PCP4L1: variants seen among roughly 807,000 people sequenced by gnomAD.
The protein encoded by PCP4L1 is Purkinje cell protein 4 like 1, also known as Purkinje cell protein 4-like protein 1.
In PCP4L1, 9 loss-of-function variants were observed where a neutral mutation model predicts 9.6. That is an observed-to-expected ratio of 0.94 (90% CI 0.57 to 1.64). PCP4L1 has a LOEUF of 1.64. Ranked by LOEUF, PCP4L1 falls within the 40% of genes most tolerant of loss-of-function variation. The pLI is 0.00. For missense variants in PCP4L1, 81 were observed against 80.8 expected, an observed-to-expected ratio of 1.00 and a Z score of -0.01; for synonymous variants, 31 against 28.2, an observed-to-expected ratio of 1.10 and a Z score of -0.31.
intron 1 of PCP4L1, among the ~76,000 whole-genome samples, chr1:161,269,868 G>T (rs1312452003): frequency 1.3e-5 from 2 of 152,112 alleles, no homozygotes; most frequent in African/African-American, 4.8e-5. Context: ...GTGTAGTGGT[G>T]TGTGGCTGTG....
chr1:161,266,228 G>A (rs1381231303), intron 1 of PCP4L1, among the ~76,000 whole-genome samples: 1 of 152,166 alleles, frequency 6.6e-6, no homozygotes, highest in Non-Finnish European at 1.5e-5. Context: ...TGTCCTTGGT[G>A]CTGCCTCCCT....
At chr1:161,272,387 G>C (rs1669638059) in intron 1 of PCP4L1, among the ~76,000 whole-genome samples, 1 of 151,626 alleles carries the variant, frequency 6.6e-6, no homozygotes, top group Non-Finnish European at 1.5e-5. Flanking sequence ...GTGAAACCCT[G>C]TCTCTACTAA....
chr1:161,261,693 G>C (rs1669420239), intron 1 of PCP4L1, among the ~76,000 whole-genome samples: 1 of 152,236 alleles, frequency 6.6e-6, no homozygotes, highest in Admixed American at 6.5e-5. Context: ...AGCCTAGCTA[G>C]GGGAATCCCT....
chr1:161,262,327 G>A (rs991938771), intron 1 of PCP4L1, among the ~76,000 whole-genome samples: 2 of 151,562 alleles, frequency 1.3e-5, no homozygotes, highest in African/African-American at 4.8e-5. Flanking sequence ...CCAGCTACTC[G>A]GGAGGCTGAG....
intron 1 of PCP4L1, among the ~76,000 whole-genome samples, chr1:161,266,802 C>T (rs963734978): frequency 6.6e-6 from 1 of 152,156 alleles, no homozygotes; most frequent in South Asian, 2.1e-4. Flanking sequence ...CTTTCTGAAG[C>T]TGTTTAAGGA....
intron 1 of PCP4L1, among the ~76,000 whole-genome samples, chr1:161,270,851 G>C (rs1669612928): frequency 6.9e-6 from 1 of 145,896 alleles, no homozygotes; most frequent in African/African-American, 2.7e-5. Context: ...CTCCAGCCTG[G>C]TGATTGATAG....
chr1:161,282,641 C>A (rs1669842673), intron 1 of PCP4L1, among the ~76,000 whole-genome samples: 1 of 152,128 alleles, frequency 6.6e-6, no homozygotes, highest in South Asian at 2.1e-4. Context: ...AAAGCATCTT[C>A]TCTTGGATAA....
In PCP4L1 at chr1:161,269,793, G is replaced by A. The variant is rs375710482; in HGVS notation, c.9+10810G>A. On this transcript the variant is annotated intron_variant, in intron 1 of 2. Coordinates refer to ENST00000504449, the MANE Select transcript of PCP4L1 (RefSeq NM_001102566.2). ...GCAGGAGTACTGCCTGAGTCCAGGAGTTTGAGACCAGCCTGGGCAACATGG... is the reference window on the plus strand; with the variant it reads ...GCAGGAGTACTGCCTGAGTCCAGGAATTTGAGACCAGCCTGGGCAACATGG... Among the ~76,000 whole-genome samples the A allele has an allele frequency of 7.2e-5, 11 of 152,234 alleles. No individual in the cohort carries two copies. The East Asian group carries it at 1.7e-3, about 24-fold the overall frequency.
At chr1:161,275,291 C>T (rs1480230930) in intron 1 of PCP4L1, among the ~76,000 whole-genome samples, 2 of 151,796 alleles carry the variant, frequency 1.3e-5, no homozygotes, top group East Asian at 1.9e-4. Flanking sequence ...CTGAGGCAGG[C>T]GGATCACGAG....
intron 1 of PCP4L1, among the ~76,000 whole-genome samples, chr1:161,278,763 C>T (rs534084549): frequency 3.3e-5 from 5 of 152,290 alleles, no homozygotes; most frequent in South Asian, 4.1e-4. Flanking sequence ...TACATAGCTC[C>T]AGCCATGATG....
chr1:161,259,021 C>T (rs1367633384), intron 1 of PCP4L1, 38 bp downstream of exon 1: 20 of 1,525,702 alleles, frequency 1.3e-5, no homozygotes, highest in Non-Finnish European at 1.7e-5. Context: ...GGCAGGGCTG[C>T]GGCGGGGAGG....
intron 1 of PCP4L1, among the ~76,000 whole-genome samples, chr1:161,264,207 C>A (rs1239506139): frequency 1.3e-5 from 2 of 151,784 alleles, no homozygotes; most frequent in Non-Finnish European, 2.9e-5. Context: ...GCCACCATGC[C>A]TAGCCTCAAG....
Position 161,258,964 on chromosome 1 carries a change from C to T in PCP4L1, c.-11C>T, listed in dbSNP as rs1429366123. 1.3e-6 allele frequency: 2 copies of T among 1,534,370 alleles called. No homozygotes were observed. The highest frequency in any genetic ancestry group is 1.7e-6 in the Non-Finnish European group (2 of 1,145,930). ...CGTGCAGCGCCTCGCGCGCCCTGTCCGGCTGCGGAGATGAGCGAGGTGAGC... is the reference window on the plus strand; with the variant it reads ...CGTGCAGCGCCTCGCGCGCCCTGTCTGGCTGCGGAGATGAGCGAGGTGAGC... On this transcript the variant is annotated 5_prime_UTR_variant, in exon 1 of 3. Transcript: ENST00000504449.
At chr1:161,276,559 T>C (rs973355158) in intron 1 of PCP4L1, among the ~76,000 whole-genome samples, 2 of 151,916 alleles carry the variant, frequency 1.3e-5, no homozygotes, top group Non-Finnish European at 2.9e-5. Flanking sequence ...GGTGTGCCTG[T>C]AGTCCCAGCT....
intron 1 of PCP4L1, among the ~76,000 whole-genome samples, chr1:161,263,002 A>G (rs1458361299): frequency 1.3e-5 from 2 of 152,254 alleles, no homozygotes; most frequent in African/African-American, 4.8e-5. Context: ...CAAATAAAAT[A>G]TCAAAACATT....
At chr1:161,259,880 G>A (rs1315235428) in intron 1 of PCP4L1, among the ~76,000 whole-genome samples, 1 of 152,216 alleles carries the variant, frequency 6.6e-6, no homozygotes. Flanking sequence ...CTATATGTCA[G>A]ATATGTATGT....
chr1:161,279,696 C>A (rs1669761850), intron 1 of PCP4L1, among the ~76,000 whole-genome samples: 1 of 152,174 alleles, frequency 6.6e-6, no homozygotes, highest in African/African-American at 2.4e-5. Context: ...ATATAAAGTA[C>A]TTAAAATTGT....
intron 1 of PCP4L1, among the ~76,000 whole-genome samples, chr1:161,270,577 AAAAG>A (rs1016117102): frequency 6.6e-6 from 1 of 150,740 alleles, no homozygotes; most frequent in Non-Finnish European, 1.5e-5. Context: ...CTCAAAAAAA[AAAAG>A]AGAGACCCCA....
intron 1 of PCP4L1, among the ~76,000 whole-genome samples, chr1:161,269,702 G>A (rs527785714): frequency 1.2e-4 from 18 of 152,194 alleles, no homozygotes; most frequent in Admixed American, 3.3e-4. Flanking sequence ...CTTTTAGGCC[G>A]TATTAAGGAT....
Sources: allele counts gnomAD v4.1 joint callset (sites outside exome capture counted in the v4.1 genomes callset), GRCh38; gene constraint gnomAD v4.1.1; transcripts MANE v1.5; gene names NCBI Gene and HGNC (gene_info 2026-07-23, HGNC 2026-07-21).